CHP1: variants seen among roughly 807,000 people sequenced by gnomAD.
CHP1 encodes calcineurin B homologous protein 1.
A neutral mutation model predicts 27.4 loss-of-function variants in CHP1; 11 were observed. The observed-to-expected ratio is 0.40, with a 90% CI of 0.25 to 0.67. The LOEUF (loss-of-function observed/expected upper bound fraction) is 0.67, where lower values mean the gene tolerates loss of function less well. Ranked by LOEUF, CHP1 falls within the 30% of genes least tolerant of loss-of-function variation. CHP1 has a pLI of 0.38. For missense variants in CHP1, 169 were observed against 251.3 expected (o/e 0.67, Z 2.22); for synonymous variants, 89 against 87.4 (o/e 1.02, Z -0.10).
intron 3 of CHP1, among the ~76,000 whole-genome samples, chr15:41,261,863 A>G (rs1039008484): frequency 1.3e-5 from 2 of 152,038 alleles, no homozygotes; most frequent in Non-Finnish European, 1.5e-5. Context: ...GTGGTGGCGC[A>G]TGCCTGTAAT....
At chr15:41,237,640 C>T (rs527696305) in intron 1 of CHP1, among the ~76,000 whole-genome samples, 13 of 152,262 alleles carry the variant, frequency 8.5e-5, no homozygotes, top group East Asian at 3.9e-4. Flanking sequence ...TCTAGAGCTA[C>T]CTTTAGCTGT....
chr15:41,269,184 CAG>C (rs2047476671), intron 4 of CHP1, among the ~76,000 whole-genome samples: 1 of 151,400 alleles, frequency 6.6e-6, no homozygotes, highest in Admixed American at 6.6e-5. Context: ...GCCTGGGAGA[CAG>C]AGCAGGACCC....
At chr15:41,259,830 G>A (rs557867100) in intron 3 of CHP1, among the ~76,000 whole-genome samples, 8 of 152,236 alleles carry the variant, frequency 5.3e-5, no homozygotes, top group South Asian at 4.1e-4. Context: ...TTGGCTCACC[G>A]CAACCTCTGC....
intron 1 of CHP1, among the ~76,000 whole-genome samples, chr15:41,240,351 T>C (rs1165553168): frequency 1.3e-5 from 2 of 152,068 alleles, no homozygotes; most frequent in Admixed American, 6.6e-5. Context: ...TTTAAAATTA[T>C]ATAAATTGGA....
intron 1 of CHP1, among the ~76,000 whole-genome samples, chr15:41,239,985 C>T (rs1305936531): frequency 6.6e-6 from 1 of 151,808 alleles, no homozygotes; most frequent in Non-Finnish European, 1.5e-5. Context: ...ACCGTGTTAG[C>T]CAGGATGGTC....
chr15:41,277,253 G>T (rs562042353), intron 5 of CHP1, among the ~76,000 whole-genome samples: 1 of 152,220 alleles, frequency 6.6e-6, no homozygotes, highest in African/African-American at 2.4e-5. Context: ...AGGCTATGTG[G>T]TGTGGCCTAT....
intron 1 of CHP1, among the ~76,000 whole-genome samples, chr15:41,234,921 A>G (rs1396569262): frequency 6.6e-6 from 1 of 152,202 alleles, no homozygotes; most frequent in Non-Finnish European, 1.5e-5. Context: ...TGTAGTGGAC[A>G]GTTGATTAGG....
intron 2 of CHP1, among the ~76,000 whole-genome samples, chr15:41,253,348 C>T (rs1272874564): frequency 1.3e-5 from 2 of 151,940 alleles, no homozygotes; most frequent in African/African-American, 4.8e-5. Context: ...GAGAAACTGC[C>T]CAGATCTACA....
At chr15:41,267,208 T>G (rs1286064831) in intron 4 of CHP1, among the ~76,000 whole-genome samples, 2 of 151,940 alleles carry the variant, frequency 1.3e-5, no homozygotes, top group African/African-American at 4.8e-5. Flanking sequence ...ATGGAGTTAT[T>G]GTTAAAAGGG....
intron 1 of CHP1, among the ~76,000 whole-genome samples, chr15:41,242,681 T>C (rs2140924821): frequency 6.6e-6 from 1 of 151,820 alleles, no homozygotes; most frequent in East Asian, 2.0e-4. Flanking sequence ...TGGTGGCTCA[T>C]GCCTGTAATC....
At chr15:41,279,252 G>A (rs1165365243) in intron 6 of CHP1, 84 bp from the exon 7 acceptor site, 2 of 1,115,616 alleles carry the variant, frequency 1.8e-6, no homozygotes, top group East Asian at 2.4e-5. Context: ...ACAGGAGGAA[G>A]GGGGGAAAAC....
At chr15:41,258,000 C>T (rs759098090) in intron 3 of CHP1, among the ~76,000 whole-genome samples, 49 of 152,148 alleles carry the variant, frequency 3.2e-4, no homozygotes, top group Non-Finnish European at 1.6e-4. Flanking sequence ...GCTTGTACAC[C>T]CGTGCTTACT....
chr15:41,232,734 G>C lies in CHP1; in HGVS notation c.67+1285G>C, dbSNP rs115656761. Among the ~76,000 whole-genome samples the C allele has an allele frequency of 6.8e-3, 1,039 of 152,232 alleles. 14 individuals carry two copies. The highest frequency in any genetic ancestry group is 0.024 in the African/African-American group (999 of 41,524). ...ATGAAGGATGTAGCACCTGAGCTCTGTCTCTTCATCATACTTGTCTTTGAT... is the reference window on the plus strand; with the variant it reads ...ATGAAGGATGTAGCACCTGAGCTCTCTCTCTTCATCATACTTGTCTTTGAT... On this transcript the variant is annotated intron_variant, in intron 1 of 6. Transcript: ENST00000334660.
At chr15:41,263,420 A>G (rs1052813367) in intron 4 of CHP1, among the ~76,000 whole-genome samples, 3 of 152,018 alleles carry the variant, frequency 2.0e-5, no homozygotes, top group Admixed American at 6.6e-5. Context: ...TAATTTTTAT[A>G]CCCGTGTCTC....
chr15:41,243,716 C>G lies in CHP1; in HGVS notation c.117C>G (p.Asp39Glu). The G allele has an allele frequency of 6.2e-7, 1 of 1,614,102 alleles. No individual in the cohort carries two copies. The highest frequency in any genetic ancestry group is 8.5e-7 in the Non-Finnish European group (1 of 1,179,984). ...TRLYSRFTSL[D>E]KGENGTLSRE... ...TCTACAGCCGGTTCACCAGCCTGGA[C>G]AAAGGAGAGAATGGGACTCTCAGGT... is the stretch of plus-strand genomic sequence containing the variant. The change falls in exon 2 of 7, where the codon GAC becomes GAG. Residue 39 changes from aspartate to glutamate, a missense_variant. Coordinates refer to ENST00000334660, the MANE Select transcript of CHP1 (RefSeq NM_007236.5).
chr15:41,271,114 G>C (rs1251882605), intron 5 of CHP1, among the ~76,000 whole-genome samples: 8 of 152,034 alleles, frequency 5.3e-5, no homozygotes, highest in African/African-American at 1.7e-4. Flanking sequence ...AATTAGCCGG[G>C]TGTGGTGGCG....
intron 4 of CHP1, among the ~76,000 whole-genome samples, chr15:41,268,567 G>A (rs1360733606): frequency 1.3e-5 from 2 of 151,252 alleles, no homozygotes; most frequent in South Asian, 2.1e-4. Context: ...GCTTGAACCC[G>A]GGAGGCGGAG....
intron 1 of CHP1, among the ~76,000 whole-genome samples, chr15:41,237,581 T>C (rs1178514853): frequency 6.6e-6 from 1 of 152,228 alleles, no homozygotes; most frequent in Non-Finnish European, 1.5e-5. Context: ...TCAGGGGGAA[T>C]GTTAAGGTGT....
intron 4 of CHP1, among the ~76,000 whole-genome samples, chr15:41,267,408 T>A (rs2047466843): frequency 6.6e-6 from 1 of 151,888 alleles, no homozygotes; most frequent in African/African-American, 2.4e-5. Flanking sequence ...ATTCCTGTAA[T>A]CCCAACACTT....
Sources: allele counts gnomAD v4.1 joint callset (sites outside exome capture counted in the v4.1 genomes callset), GRCh38; gene constraint gnomAD v4.1.1; transcripts MANE v1.5; gene names NCBI Gene and HGNC (gene_info 2026-07-23, HGNC 2026-07-21).